The following WIZ variants were observed in gnomAD, a reference collection of about 807,000 sequenced individuals.
The protein encoded by WIZ is WIZ zinc finger.
A neutral mutation model predicts 140.2 loss-of-function variants in WIZ; 25 were observed. The observed-to-expected ratio is 0.18, with a 90% CI of 0.13 to 0.25. WIZ has a LOEUF of 0.25. Among genes scored for constraint, WIZ ranks in the 10% least tolerant of loss-of-function variants. WIZ has a pLI of 1.00. For missense variants in WIZ, 2,231 were observed against 2,632.6 expected, an observed-to-expected ratio of 0.85 and a Z score of 3.34; for synonymous variants, 1,125 against 1,154.3, an observed-to-expected ratio of 0.97 and a Z score of 0.51.
Position 15,421,887 on chromosome 19 carries a change from A to AC in WIZ, c.*1188dup, listed in dbSNP as rs1323111819. 1.3e-5 allele frequency: 2 copies of AC among 151,660 alleles called. No homozygotes were observed. The highest frequency in any genetic ancestry group is 2.4e-5 in the African/African-American group (1 of 41,198). 9.4% of individuals were successfully genotyped at this position (151,660 alleles called of 1,614,324 possible). A position where few individuals can be genotyped will look rare whatever the true frequency, so the allele number is the denominator to read the frequency against. On this transcript the variant is annotated 3_prime_UTR_variant, in exon 13 of 13. Transcript: ENST00000673675. ...GAGCCGCTTTGCCAGCCAGCCAGAG[A>AC]CCCCCTCCCAGCCATGGCCTAAAGA... is the stretch of plus-strand genomic sequence containing the variant.
chr19:15,447,343 A>C (rs1568317017), intron 2 of WIZ, among the ~76,000 whole-genome samples: 1 of 152,182 alleles, frequency 6.6e-6, no homozygotes, highest in Non-Finnish European at 1.5e-5. Context: ...ATGCCACTCT[A>C]TCAGGGAGGG....
At chr19:15,429,562 T>C in intron 7 of WIZ, 24 bp downstream of exon 7, 1 of 1,113,156 alleles carries the variant, frequency 9.0e-7, no homozygotes, top group South Asian at 2.2e-5. Context: ...AGAACCTCCC[T>C]CGGCTCTTGG....
intron 10 of WIZ, 88 bp from the exon 11 acceptor site, chr19:15,425,120 G>A (rs931224827): frequency 1.7e-4 from 253 of 1,509,494 alleles, no homozygotes; most frequent in Middle Eastern, 2.4e-4. Context: ...TGCCAATCCC[G>A]CCTCCCACAC....
chr19:15,429,501 G>GC, intron 7 of WIZ, 85 bp downstream of exon 7: 12 of 1,174,984 alleles, frequency 1.0e-5, no homozygotes, highest in African/African-American at 1.6e-5. Flanking sequence ...CCCACCCTGG[G>GC]CCCTGTCCCT....
At chr19:15,446,170 C>T (rs1036487174) in intron 2 of WIZ, among the ~76,000 whole-genome samples, 12 of 152,116 alleles carry the variant, frequency 7.9e-5, no homozygotes, top group Non-Finnish European at 1.6e-4. Flanking sequence ...TCTCTCTTCC[C>T]CAAGCTATAA....
rs999533043 is a variant in WIZ, at chr19:15,439,194, G to A, written c.1800C>T (p.Thr600=). ...YSLQLGRNKS[T]VHPQGLGERR... is the part of the protein sequence containing the mutation. ...GTTCCCCCAGCCCTTGTGGGTGGACGGTGCTTTTGTTTCTCCCGAGCTGTA... is the reference window on the plus strand; with the variant it reads ...GTTCCCCCAGCCCTTGTGGGTGGACAGTGCTTTTGTTTCTCCCGAGCTGTA... Residue 600 remains threonine, a synonymous_variant, in exon 4 of 13, where the codon ACC becomes ACT. Coordinates refer to ENST00000673675, the MANE Select transcript of WIZ (RefSeq NM_001371589.1). This position sits in a 1 kb window ranked among gnomAD's most constrained non-coding sequence, Gnocchi z 7.0. The A allele has an allele frequency of 2.6e-5, 40 of 1,535,406 alleles. No individual in the cohort carries two copies. Among genetic ancestry groups the A allele is most frequent in the Non-Finnish European group, 3.4e-5 (39 of 1,146,602 alleles).
intron 5 of WIZ, chr19:15,433,406 C>G: frequency 1.0e-6 from 1 of 961,792 alleles, no homozygotes; most frequent in Non-Finnish European, 1.2e-6. Flanking sequence ...AGGGGGCAGG[C>G]TTCTAACGAC....
rs556234878 is a variant in WIZ at position 15,441,878 on chromosome 19, G to A, written c.278+798C>T. 2.8e-4 allele frequency among the ~76,000 whole-genome samples: 42 copies of A among 152,196 alleles called. 1 individual carries two copies. In the South Asian group the frequency reaches 5.2e-3, roughly 19 times the overall value. On this transcript the variant is annotated intron_variant, in intron 3 of 12. Coordinates refer to ENST00000673675, the MANE Select transcript of WIZ (RefSeq NM_001371589.1). The stretch of plus-strand genomic sequence containing the variant: ...TTCTTGCTCATTCTGAGAGCTATTA[G>A]TAATCCTGATAAACTTACTATGACC...
chr19:15,431,258 T>C, intron 5 of WIZ, 76 bp from the exon 6 acceptor site: 1 of 1,410,852 alleles, frequency 7.1e-7, no homozygotes, highest in Non-Finnish European at 9.3e-7. Flanking sequence ...GATGGCCTTC[T>C]TCCTTATCCT....
intron 5 of WIZ, chr19:15,432,434 C>A: frequency 1.0e-6 from 1 of 983,702 alleles, no homozygotes; most frequent in South Asian, 4.5e-5. Flanking sequence ...GGGCTCTTAC[C>A]GGGCGCGGGA....
Position 15,430,750 on chromosome 19 carries a change from GA to G in WIZ, c.2911+261del, listed in dbSNP as rs1000596188. Among the ~76,000 whole-genome samples, 19 of 57,684 alleles carry G rather than the reference GA, an allele frequency of 3.3e-4. No homozygotes were observed. The Middle Eastern group carries it at 0.019, about 58-fold the overall frequency. 37.8% of individuals were successfully genotyped at this position (57,684 alleles called of 152,430 possible). A position where few individuals can be genotyped will look rare whatever the true frequency, so the allele number is the denominator to read the frequency against. ...CAGATTCAGCAAATGAGCTGGGTCT[GA>G]GTATGAGCTCTGGACCACCACACCC... On this transcript the variant is annotated intron_variant, in intron 6 of 12. Transcript: ENST00000673675.
Position 15,438,582 on chromosome 19 carries a change from TTTC to T in WIZ, c.2409_2411del (p.Lys805del), listed in dbSNP as rs1278140259. On this transcript the variant is annotated inframe_deletion, in exon 4 of 13. Transcript: ENST00000673675. ...TTAAAAGTGAAGCTGCCCTACCTTT[TTTC>T]TTCTTCTTCTGGAAGGAGAACCTGC... 9 of 1,501,606 alleles carry T rather than the reference TTTC, an allele frequency of 6.0e-6. No individual in the cohort carries two copies. The highest frequency in any genetic ancestry group is 5.0e-5 in the East Asian group (2 of 40,228). The allele number at this position is 1,501,606 out of a possible 1,614,324, so 93.0% of individuals were successfully genotyped here. A position where few individuals can be genotyped will look rare whatever the true frequency, so the allele number is the denominator to read the frequency against.
intron 2 of WIZ, among the ~76,000 whole-genome samples, chr19:15,443,937 A>G (rs1284793533): frequency 2.0e-5 from 3 of 152,000 alleles, no homozygotes; most frequent in Non-Finnish European, 4.4e-5. Flanking sequence ...CCAACTCTCT[A>G]TTATCCGCCT....
chr19:15,426,936 G>C, intron 9 of WIZ, 46 bp downstream of exon 9: 1 of 1,555,766 alleles, frequency 6.4e-7, no homozygotes, highest in Non-Finnish European at 8.7e-7. Flanking sequence ...GCAGGGAGGA[G>C]ACCCCTCCAA....
In WIZ at chr19:15,438,871, T is replaced by A. The variant is rs774789008; in HGVS notation, c.2123A>T (p.Glu708Val). 10 of 1,461,624 alleles carry A rather than the reference T, an allele frequency of 6.8e-6. No homozygotes were observed. In the South Asian group the frequency reaches 1.3e-4, roughly 20 times the overall value. 90.5% of individuals were successfully genotyped at this position (1,461,624 alleles called of 1,614,324 possible). Residue 708 changes from glutamate (E) to valine (V), a missense_variant, in exon 4 of 13, where the codon GAG becomes GTG. By Grantham distance (121) the Glu-to-Val change is moderately radical. Coordinates refer to ENST00000673675, the MANE Select transcript of WIZ (RefSeq NM_001371589.1). ...GGGGTGGGCGCCTGCCAGCCCCAGC[T>A]CCTCGGGCTGCAACCTTGGGGGCAC... ...ARVPPRLQPE[E>V]LGLAGAHPLD...
chr19:15,433,610 T>G (rs1016882483), intron 5 of WIZ, among the ~76,000 whole-genome samples: 17 of 152,208 alleles, frequency 1.1e-4, no homozygotes, highest in Non-Finnish European at 2.2e-4. Flanking sequence ...CTCTCATCCG[T>G]AGGCTGATTC....
At chr19:15,445,237 C>T (rs2037919237) in intron 2 of WIZ, among the ~76,000 whole-genome samples, 1 of 152,210 alleles carries the variant, frequency 6.6e-6, no homozygotes, top group African/African-American at 2.4e-5. Context: ...GAACTCCAAG[C>T]CTGGGGTTCA....
In WIZ at chr19:15,424,735, C is replaced by T. The variant is rs374047776; in HGVS notation, c.5192G>A (p.Arg1731His). The change falls in exon 11 of 13, where the codon CGC becomes CAC. Residue 1731 changes from arginine to histidine, a missense_variant. By Grantham distance (29) the Arg-to-His change is conservative. Around this residue, in one of 15 missense-constraint regions of WIZ, gnomAD observed 299 missense variants for 309.6 expected, o/e 0.97. Coordinates refer to ENST00000673675, the MANE Select transcript of WIZ (RefSeq NM_001371589.1). The surrounding 1 kb of genome is among the most constrained non-coding windows in gnomAD (Gnocchi z 9.7). ...GGGCCCTGGCTCCCCTCCGGCACTG[C>T]GGCCGACCACGGCCAGGCCCCCGGG... ...LAPGGLAVVGRSAGGEPGPEA... is the reference protein window; with the variant it reads ...LAPGGLAVVGHSAGGEPGPEA... 81 of 1,564,884 alleles carry T rather than the reference C, an allele frequency of 5.2e-5. No individual in the cohort carries two copies. The highest frequency in any genetic ancestry group is 4.3e-4 in the African/African-American group (32 of 73,914).
At position 15,439,585 on chromosome 19, in the gene WIZ, C is replaced by A; in HGVS notation, c.1409G>T (p.Gly470Val). Residue 470 changes from glycine (G) to valine (V), a missense_variant, in exon 4 of 13, where the codon GGT becomes GTT. Physicochemically the swap from Gly to Val is moderately radical, Grantham distance 109. Coordinates refer to ENST00000673675, the MANE Select transcript of WIZ (RefSeq NM_001371589.1). This position sits in a 1 kb window ranked among gnomAD's most constrained non-coding sequence, Gnocchi z 7.0. ...AVGLSACVFC[G>V]FPAPSESLLR... ...CAGGCTCTCGCTGGGCGCGGGGAAA[C>A]CACAGAAGACACAGGCGCTGAGGCC... The A allele has an allele frequency of 2.0e-6, 3 of 1,487,284 alleles. No individual in the cohort carries two copies. The highest frequency in any genetic ancestry group is 1.8e-6 in the Non-Finnish European group (2 of 1,121,048). 92.1% of individuals were successfully genotyped at this position (1,487,284 alleles called of 1,614,324 possible). A position where few individuals can be genotyped will look rare whatever the true frequency, so the allele number is the denominator to read the frequency against.
Sources: allele counts gnomAD v4.1 joint callset (sites outside exome capture counted in the v4.1 genomes callset), GRCh38; gene constraint gnomAD v4.1.1; regional missense constraint gnomAD v4.1.1; non-coding constraint Gnocchi (gnomAD v3.1); transcripts MANE v1.5; gene names NCBI Gene and HGNC (gene_info 2026-07-23, HGNC 2026-07-21).